The following SBF2 variants were observed in gnomAD, a reference collection of about 807,000 sequenced individuals.
SBF2 encodes the protein myotubularin-related protein 13.
Under a neutral mutation model 225.2 loss-of-function variants are expected in SBF2, and 112 were observed. The observed-to-expected ratio is 0.50, with a 90% CI of 0.43 to 0.58. SBF2 has a LOEUF of 0.58. SBF2 is among the 20% of genes least tolerant of loss of function. SBF2 has a pLI of 0.00. For synonymous variants in SBF2, 763 were observed against 773.3 expected (o/e 0.99, Z 0.22); for missense variants, 1,996 against 2,206.2 (o/e 0.90, Z 1.91).
intron 26 of SBF2, 178 bp downstream of exon 26, chr11:9,839,320 T>C: frequency 1.5e-6 from 1 of 675,072 alleles, no homozygotes; most frequent in Non-Finnish European, 2.6e-6. Flanking sequence ...AGAGGTACTT[T>C]CAGTAAGGTA....
intron 1 of SBF2, among the ~76,000 whole-genome samples, chr11:10,225,142 A>C (rs1356543700): frequency 6.6e-6 from 1 of 151,926 alleles, no homozygotes. Context: ...TGTCCCTGAT[A>C]ATCTATGTTA....
intron 17 of SBF2, among the ~76,000 whole-genome samples, chr11:9,885,930 C>T (rs1006331980): frequency 3.9e-5 from 6 of 152,108 alleles, no homozygotes; most frequent in South Asian, 2.1e-4. Context: ...AGATGGGATG[C>T]GTTCTCCCTT....
chr11:10,213,122 G>T (rs1957999947), intron 1 of SBF2, among the ~76,000 whole-genome samples: 1 of 152,046 alleles, frequency 6.6e-6, no homozygotes, highest in African/African-American at 2.4e-5. Flanking sequence ...TCATTTTGTA[G>T]CAGCATCTCT....
chr11:10,209,462 T>C (rs550057303), intron 1 of SBF2, among the ~76,000 whole-genome samples: 1 of 152,204 alleles, frequency 6.6e-6, no homozygotes, highest in South Asian at 2.1e-4. Context: ...GCATTACAGA[T>C]TGTTTATCTG....
chr11:10,271,042 T>C (rs1268439539), intron 1 of SBF2, among the ~76,000 whole-genome samples: 2 of 140,040 alleles, frequency 1.4e-5, no homozygotes, highest in Non-Finnish European at 3.1e-5. Context: ...TAATTATACA[T>C]ATATACGTAT....
chr11:10,253,225 G>A (rs1960542343), intron 1 of SBF2, among the ~76,000 whole-genome samples: 2 of 151,032 alleles, frequency 1.3e-5, no homozygotes, highest in South Asian at 4.2e-4. Flanking sequence ...AGGAATACTA[G>A]TTTCTATAAT....
chr11:10,228,975 T>C (rs1259662673), intron 1 of SBF2, among the ~76,000 whole-genome samples: 2 of 152,194 alleles, frequency 1.3e-5, no homozygotes, highest in Non-Finnish European at 2.9e-5. Context: ...TGGTAAGCTA[T>C]TAATTATTGC....
At chr11:10,196,449 C>T (rs1442735) in intron 1 of SBF2, among the ~76,000 whole-genome samples, 14,416 of 151,988 alleles carry the variant, frequency 0.095, 922 homozygotes, top group East Asian at 0.28. Flanking sequence ...GCACAATCAT[C>T]GCTCACCGCA....
At chr11:10,295,372 A>G (rs1964468978), upstream of SBF2, among the ~76,000 whole-genome samples, 1 of 152,178 alleles carries the variant, frequency 6.6e-6, no homozygotes, top group Non-Finnish European at 1.5e-5. Flanking sequence ...TTGACATCTC[A>G]GCTCCTGAAG....
At chr11:9,824,718 C>G (rs1739664198) in intron 28 of SBF2, among the ~76,000 whole-genome samples, 1 of 152,078 alleles carries the variant, frequency 6.6e-6, no homozygotes, top group Admixed American at 6.6e-5. Flanking sequence ...TGTACAATGG[C>G]AAAATACAAG....
chr11:9,957,573 C>A (rs1043932818), intron 16 of SBF2: 2 of 152,068 alleles, frequency 1.3e-5, no homozygotes, highest in Non-Finnish European at 1.5e-5. Flanking sequence ...GATTCTCCTG[C>A]CTCAGCCTCC....
chr11:9,937,034 T>A (rs1864948021), intron 16 of SBF2, among the ~76,000 whole-genome samples: 1 of 152,104 alleles, frequency 6.6e-6, no homozygotes, highest in African/African-American at 2.4e-5. Context: ...ACACATGAAT[T>A]CTGAGGAACA....
At chr11:9,926,573 G>C (rs1158831103) in intron 16 of SBF2, among the ~76,000 whole-genome samples, 2 of 152,014 alleles carry the variant, frequency 1.3e-5, no homozygotes, top group Non-Finnish European at 2.9e-5. Flanking sequence ...AAGTTAGAAA[G>C]CATTAAGAGA....
chr11:9,980,029 T>C (rs1946876050), intron 13 of SBF2, among the ~76,000 whole-genome samples: 1 of 151,816 alleles, frequency 6.6e-6, no homozygotes, highest in Non-Finnish European at 1.5e-5. Context: ...TCATCTAGGC[T>C]GGATGCAGTG....
At chr11:9,819,759 G>A (rs1854649936) in intron 28 of SBF2, among the ~76,000 whole-genome samples, 1 of 152,174 alleles carries the variant, frequency 6.6e-6, no homozygotes. Context: ...CTTTGAGCAA[G>A]GTCATCACAC....
At chr11:9,976,869 C>G (rs1216778998) in intron 13 of SBF2, among the ~76,000 whole-genome samples, 1 of 151,604 alleles carries the variant, frequency 6.6e-6, no homozygotes, top group African/African-American at 2.4e-5. Context: ...CCCGGGTTCA[C>G]GCCATTCTCC....
At chr11:10,060,633 C>T (rs1950405917) in intron 2 of SBF2, among the ~76,000 whole-genome samples, 1 of 152,120 alleles carries the variant, frequency 6.6e-6, no homozygotes, top group African/African-American at 2.4e-5. Context: ...AAATCCTCAA[C>T]AAAATACTTG....
intron 2 of SBF2, among the ~76,000 whole-genome samples, chr11:10,096,950 C>T (rs1345719125): frequency 1.3e-5 from 2 of 152,020 alleles, no homozygotes; most frequent in Non-Finnish European, 2.9e-5. Context: ...ATAAATGCAA[C>T]ACATTTACAC....
chr11:10,235,860 G>C (rs949772233), intron 1 of SBF2, among the ~76,000 whole-genome samples: 6 of 152,120 alleles, frequency 3.9e-5, no homozygotes, highest in Non-Finnish European at 7.4e-5. Context: ...CTGAGCCCAA[G>C]AGTTCAATAC....
Sources: allele counts gnomAD v4.1 joint callset (sites outside exome capture counted in the v4.1 genomes callset), GRCh38; gene constraint gnomAD v4.1.1; transcripts MANE v1.5; gene names NCBI Gene and HGNC (gene_info 2026-07-23, HGNC 2026-07-21).